The following ZEB2 variants were observed in gnomAD, a reference collection of about 807,000 sequenced individuals.
ZEB2 encodes the protein zinc finger E-box binding homeobox 2, also known as zinc finger E-box-binding homeobox 2.
Under a neutral mutation model 99.9 loss-of-function variants are expected in ZEB2, and 6 were observed. The ratio of observed to expected loss-of-function variants is 0.06; its 90% CI spans 0.03 to 0.12. The LOEUF is 0.12. Among genes scored for constraint, ZEB2 ranks in the 10% least tolerant of loss-of-function variants. The pLI is 1.00. For synonymous variants in ZEB2, 517 were observed against 542.5 expected (o/e 0.95, Z 0.65); for missense variants, 969 against 1,502.8 (o/e 0.64, Z 5.87).
At chr2:144,453,032 T>G (rs1704075846) in intron 2 of ZEB2, among the ~76,000 whole-genome samples, 1 of 152,238 alleles carries the variant, frequency 6.6e-6, no homozygotes. Context: ...CTTATTTAGT[T>G]TCTATATTAT....
intron 4 of ZEB2, 86 bp from the exon 5 acceptor site, chr2:144,405,110 T>C: frequency 1.4e-6 from 2 of 1,399,604 alleles, no homozygotes; most frequent in South Asian, 1.2e-5. Flanking sequence ...CAGTGAGAAA[T>C]GCTGACTTGC....
At chr2:144,424,450 C>G in intron 4 of ZEB2, 1 of 535,680 alleles carries the variant, frequency 1.9e-6, no homozygotes, top group South Asian at 1.4e-5. Context: ...TGGTGGCTAG[C>G]AGAGGTATAT....
chr2:144,491,303 G>A (rs1322389572), intron 2 of ZEB2, among the ~76,000 whole-genome samples: 1 of 145,156 alleles, frequency 6.9e-6, no homozygotes, highest in Non-Finnish European at 1.5e-5. Context: ...CCACCAAAAC[G>A]TGAGCAAAAG....
chr2:144,490,771 A>T (rs1704666521), intron 2 of ZEB2, among the ~76,000 whole-genome samples: 1 of 152,164 alleles, frequency 6.6e-6, no homozygotes, highest in Non-Finnish European at 1.5e-5. Flanking sequence ...TTTCGCACTC[A>T]TTTTTTAAGG....
intron 2 of ZEB2, among the ~76,000 whole-genome samples, chr2:144,493,702 C>T (rs1704715137): frequency 6.6e-6 from 1 of 152,110 alleles, no homozygotes; most frequent in African/African-American, 2.4e-5. Flanking sequence ...AGTATGTGGA[C>T]CAATTCATAG....
At chr2:144,453,148 C>T (rs1704077056) in intron 2 of ZEB2, among the ~76,000 whole-genome samples, 1 of 152,202 alleles carries the variant, frequency 6.6e-6, no homozygotes, top group African/African-American at 2.4e-5. Flanking sequence ...CAAAGCCAAG[C>T]AGTTCGTGCT....
intron 2 of ZEB2, among the ~76,000 whole-genome samples, chr2:144,436,415 A>G (rs1703838106): frequency 6.6e-6 from 1 of 152,212 alleles, no homozygotes. Context: ...TTCTCAGTAT[A>G]GGGATAAAAA....
At chr2:144,454,167 G>GTC (rs1704090294) in intron 2 of ZEB2, among the ~76,000 whole-genome samples, 1 of 152,200 alleles carries the variant, frequency 6.6e-6, no homozygotes, top group Non-Finnish European at 1.5e-5. Flanking sequence ...TCTTTGCAAA[G>GTC]TAAGAGGTCT....
At chr2:144,411,060 T>A (rs1263473495) in intron 4 of ZEB2, among the ~76,000 whole-genome samples, 5 of 31,106 alleles carry the variant, frequency 1.6e-4, no homozygotes. Flanking sequence ...GACATGTCTA[T>A]ATATATATAT....
chr2:144,505,432 G>T (rs1704939075), intron 2 of ZEB2, among the ~76,000 whole-genome samples: 1 of 152,214 alleles, frequency 6.6e-6, no homozygotes. Flanking sequence ...GATAAAGCCT[G>T]CCAGAAAAAG....
chr2:144,446,262 A>G (rs1189636569), intron 2 of ZEB2, among the ~76,000 whole-genome samples: 2 of 152,094 alleles, frequency 1.3e-5, no homozygotes, highest in Admixed American at 1.3e-4. Flanking sequence ...CAAATAGGCC[A>G]TATGTTAGTA....
Position 144,499,013 on chromosome 2 carries a change from G to A in ZEB2, c.73+18265C>T, listed in dbSNP as rs144062865. Among the ~76,000 whole-genome samples the A allele has an allele frequency of 3.6e-3, 549 of 152,292 alleles. 1 individual carries two copies. Among genetic ancestry groups the A allele is most frequent in the Non-Finnish European group, 6.3e-3 (432 of 68,032 alleles). ...CGTATTACCACAAAACATAACTTCA[G>A]AGTGAAGTGAAATTATTGATTTCTG... On this transcript the variant is annotated intron_variant, in intron 2 of 9. Coordinates refer to ENST00000627532, the MANE Select transcript of ZEB2 (RefSeq NM_014795.4).
chr2:144,466,865 G>A (rs1161768998), intron 2 of ZEB2, among the ~76,000 whole-genome samples: 20 of 152,128 alleles, frequency 1.3e-4, no homozygotes, highest in Admixed American at 1.3e-3. Context: ...GCGTCACTGT[G>A]ACTGGTTGTG....
intron 2 of ZEB2, among the ~76,000 whole-genome samples, chr2:144,476,904 G>C (rs1704437920): frequency 6.6e-6 from 1 of 152,194 alleles, no homozygotes; most frequent in Non-Finnish European, 1.5e-5. Context: ...TGAACAGTGA[G>C]TGGACAACAG....
chr2:144,469,014 T>C (rs1176586742), intron 2 of ZEB2, among the ~76,000 whole-genome samples: 2 of 152,146 alleles, frequency 1.3e-5, no homozygotes, highest in Non-Finnish European at 2.9e-5. Flanking sequence ...GTCACACTCT[T>C]ACCCTTGCCA....
chr2:144,424,745 A>G (rs1474350094), intron 4 of ZEB2, 51 bp downstream of exon 4: 1 of 1,605,474 alleles, frequency 6.2e-7, no homozygotes, highest in South Asian at 1.1e-5. Flanking sequence ...GCCTCACTAA[A>G]CCCACATGAC....
At chr2:144,417,655 A>G (rs1471969627) in intron 4 of ZEB2, among the ~76,000 whole-genome samples, 2 of 152,178 alleles carry the variant, frequency 1.3e-5, no homozygotes, top group Non-Finnish European at 2.9e-5. Flanking sequence ...CTGTTGATGG[A>G]CATTTAGGCT....
In ZEB2 at chr2:144,456,542, A is replaced by G. The variant is rs192721932; in HGVS notation, c.74-26516T>C. On this transcript the variant is annotated intron_variant, in intron 2 of 9. Transcript: ENST00000627532. ...CTCTTATCATGGTTAATACTGGTTC[A>G]CATGGGGGACTTCCACAAATTCTTT... is the stretch of plus-strand genomic sequence containing the variant. Among the ~76,000 whole-genome samples, 523 of 152,278 alleles carry G rather than the reference A, an allele frequency of 3.4e-3. 16 individuals carry two copies. The highest frequency in any genetic ancestry group is 0.029 in the Admixed American group (438 of 15,288).
intron 2 of ZEB2, among the ~76,000 whole-genome samples, chr2:144,481,054 C>G (rs1704503986): frequency 1.3e-5 from 2 of 151,998 alleles, no homozygotes; most frequent in Admixed American, 6.5e-5. Flanking sequence ...GCATCTACAC[C>G]TTTGAGTTGA....
Sources: allele counts gnomAD v4.1 joint callset (sites outside exome capture counted in the v4.1 genomes callset), GRCh38; gene constraint gnomAD v4.1.1; transcripts MANE v1.5; gene names NCBI Gene and HGNC (gene_info 2026-07-23, HGNC 2026-07-21).